Variants in CYB5D2 observed in about 807,000 individuals in gnomAD.
CYB5D2 encodes the protein neuferricin.
Under a neutral mutation model 22.8 loss-of-function variants are expected in CYB5D2, and 23 were observed. That is an observed-to-expected ratio of 1.01 (90% confidence interval 0.73 to 1.43). The LOEUF is 1.43. Among genes scored for constraint, CYB5D2 ranks in the 40% most tolerant of loss-of-function variants. The pLI is 0.00. For missense variants in CYB5D2, 373 were observed against 357.2 expected (o/e 1.04, Z -0.36); for synonymous variants, 170 against 152.2 (o/e 1.12, Z -0.86).
chr17:4,146,991 T>C (rs2058999527), intron 1 of CYB5D2, among the ~76,000 whole-genome samples: 1 of 152,226 alleles, frequency 6.6e-6, no homozygotes, highest in African/African-American at 2.4e-5. Flanking sequence ...AAATATTCTA[T>C]AGATACTATA....
chr17:4,156,592 G>T (rs1324214417), intron 3 of CYB5D2, among the ~76,000 whole-genome samples: 2 of 152,236 alleles, frequency 1.3e-5, no homozygotes, highest in African/African-American at 4.8e-5. Flanking sequence ...TGCCTCCTAA[G>T]AAGGGGCAGG....
chr17:4,143,588 A>C lies in CYB5D2; in HGVS notation c.-168A>C. 1.1e-6 allele frequency: 1 copy of C among 947,566 alleles called. No individual in the cohort carries two copies. The highest frequency in any genetic ancestry group is 1.5e-6 in the Non-Finnish European group (1 of 655,554). The allele number at this position is 947,566 out of a possible 1,614,324, so 58.7% of individuals were successfully genotyped here. A position where few individuals can be genotyped will look rare whatever the true frequency, so the allele number is the denominator to read the frequency against. On this transcript the variant is annotated 5_prime_UTR_variant, in exon 1 of 4. Coordinates refer to ENST00000301391, the MANE Select transcript of CYB5D2 (RefSeq NM_144611.4). ...AGACAGCGAGCTTTTCGCCAGTGCC[A>C]GGAATACAGATAAAACGAGAGAGAC...
chr17:4,155,250 G>A (rs964587850), intron 3 of CYB5D2, among the ~76,000 whole-genome samples: 2 of 152,110 alleles, frequency 1.3e-5, no homozygotes, highest in African/African-American at 4.8e-5. Context: ...CACAAATCAT[G>A]CCTATCTATA....
At chr17:4,153,763 G>A (rs2059082687) in intron 2 of CYB5D2, among the ~76,000 whole-genome samples, 1 of 152,192 alleles carries the variant, frequency 6.6e-6, no homozygotes, top group African/African-American at 2.4e-5. Context: ...AGCAAGGAAG[G>A]GAGTATGATG....
intron 1 of CYB5D2, among the ~76,000 whole-genome samples, chr17:4,144,335 C>G (rs1166624172): frequency 6.6e-6 from 1 of 152,116 alleles, no homozygotes; most frequent in Non-Finnish European, 1.5e-5. Flanking sequence ...TCTTAGGGCA[C>G]AGATAAACGA....
Position 4,156,941 on chromosome 17 carries a change from G to A in CYB5D2, c.654G>A (p.Val218=), listed in dbSNP as rs1567892588. Residue 218 remains valine (V), a synonymous_variant, in exon 4 of 4, where the codon GTG becomes GTA. Coordinates refer to ENST00000301391, the MANE Select transcript of CYB5D2 (RefSeq NM_144611.4). The part of the protein sequence containing the change: ...YKPGAKEPRC[V]CVRTTGPPSG... ...CAGGTGCTAAGGAGCCCCGCTGCGT[G>A]TGTGTGAGAACCACCGGCCCCCCTA... 6.2e-7 allele frequency: 1 copy of A among 1,612,852 alleles called. No homozygotes were observed. The highest frequency in any genetic ancestry group is 1.3e-5 in the African/African-American group (1 of 75,012).
intron 2 of CYB5D2, among the ~76,000 whole-genome samples, chr17:4,152,675 C>T (rs1375341429): frequency 6.6e-6 from 1 of 152,240 alleles, no homozygotes; most frequent in Non-Finnish European, 1.5e-5. Context: ...AAATTCTGTG[C>T]CAGGCCAACT....
chr17:4,150,500 G>A (rs949050035), intron 2 of CYB5D2, among the ~76,000 whole-genome samples: 1 of 152,176 alleles, frequency 6.6e-6, no homozygotes, highest in African/African-American at 2.4e-5. Context: ...CACTGTGTAG[G>A]TTACTGCACT....
intron 2 of CYB5D2, among the ~76,000 whole-genome samples, chr17:4,152,849 C>A (rs550251192): frequency 7.0e-4 from 107 of 152,348 alleles, no homozygotes; most frequent in Non-Finnish European, 1.3e-3. Context: ...ACGACTGCAG[C>A]TCACTGCAAC....
At chr17:4,145,263 A>G (rs531710526) in intron 1 of CYB5D2, among the ~76,000 whole-genome samples, 21 of 152,308 alleles carry the variant, frequency 1.4e-4, no homozygotes, top group African/African-American at 5.1e-4. Flanking sequence ...AGCACTTAAA[A>G]TACAAGCCAC....
chr17:4,144,059 C>T (rs1204078996), intron 1 of CYB5D2, 54 bp downstream of exon 1: 18 of 1,528,140 alleles, frequency 1.2e-5, no homozygotes, highest in African/African-American at 2.8e-5. Context: ...CCAGTAGCCA[C>T]CTGCGCGTCG....
Position 4,154,661 on chromosome 17 carries a change from C to T in CYB5D2, c.392-13C>T. 6.2e-7 allele frequency: 1 copy of T among 1,611,376 alleles called. No homozygotes were observed. Among genetic ancestry groups the T allele is most frequent in the Non-Finnish European group, 8.5e-7 (1 of 1,178,438 alleles). On this transcript the variant is annotated splice_polypyrimidine_tract_variant and intron_variant, in intron 2 of 3. Coordinates refer to ENST00000301391, the MANE Select transcript of CYB5D2 (RefSeq NM_144611.4). ...ATTCACTCTCACTCACATCTGCCTT[C>T]CTGTCATCACAGGGAGGGTGACAGG...
intron 1 of CYB5D2, among the ~76,000 whole-genome samples, chr17:4,147,421 A>G (rs967227602): frequency 6.6e-6 from 1 of 152,274 alleles, no homozygotes; most frequent in African/African-American, 2.4e-5. Flanking sequence ...AAAGACAGAC[A>G]TTAAATAGAT....
chr17:4,154,727 A>AC lies in CYB5D2; in HGVS notation c.448dup (p.Gln150ProfsTer60), dbSNP rs775165042. 1.2e-6 allele frequency: 2 copies of AC among 1,614,180 alleles called. No homozygotes were observed. The highest frequency in any genetic ancestry group is 1.7e-6 in the Non-Finnish European group (2 of 1,180,022). Reference sequence around the variant, plus strand: ...GGATGGGCTGCCCACCCCGGCACTGACCCAGGTAGAAGCTGCGATCACCAG... The same window carrying AC: ...GGATGGGCTGCCCACCCCGGCACTGACCCCAGGTAGAAGCTGCGATCACCAG... On this transcript the variant is annotated frameshift_variant, in exon 3 of 4. Coordinates refer to ENST00000301391, the MANE Select transcript of CYB5D2 (RefSeq NM_144611.4). LOFTEE classifies it high-confidence loss of function.
At chr17:4,144,252 C>T (rs1345434904) in intron 1 of CYB5D2, among the ~76,000 whole-genome samples, 2 of 152,170 alleles carry the variant, frequency 1.3e-5, no homozygotes, top group Admixed American at 6.5e-5. Flanking sequence ...AACATGTCTT[C>T]TGTCTCTTGT....
chr17:4,153,857 T>C lies in CYB5D2; in HGVS notation c.392-817T>C, dbSNP rs935396855. ...GGATTTGGGAAAGTCAGGGAGGGCG[T>C]TGGACTTGGGAGACGAGCTGAATCT... On this transcript the variant is annotated intron_variant, in intron 2 of 3. Transcript: ENST00000301391. 2.6e-5 allele frequency among the ~76,000 whole-genome samples: 4 copies of C among 152,230 alleles called. No individual in the cohort carries two copies. In the East Asian group the frequency reaches 7.7e-4, roughly 29 times the overall value.
rs113177704 is a variant in CYB5D2, at chr17:4,153,889, C to T, written c.392-785C>T. ...TGGGAGACGAGCTGAATCTCAGATG[C>T]GCTGAACATACGCGCCACTAGAATC... On this transcript the variant is annotated intron_variant, in intron 2 of 3. Coordinates refer to ENST00000301391, the MANE Select transcript of CYB5D2 (RefSeq NM_144611.4). Among the ~76,000 whole-genome samples the T allele has an allele frequency of 3.4e-3, 522 of 152,332 alleles. 3 individuals are homozygous for T. The highest frequency in any genetic ancestry group is 0.012 in the African/African-American group (499 of 41,572).
chr17:4,148,817 C>T (rs937447642), intron 1 of CYB5D2, among the ~76,000 whole-genome samples: 23 of 152,062 alleles, frequency 1.5e-4, no homozygotes, highest in Non-Finnish European at 2.8e-4. Flanking sequence ...AGCAAAATTC[C>T]GTCTCATGCA....
At chr17:4,147,169 T>A (rs7224699) in intron 1 of CYB5D2, among the ~76,000 whole-genome samples, 2 of 152,110 alleles carry the variant, frequency 1.3e-5, no homozygotes, top group Non-Finnish European at 2.9e-5. Flanking sequence ...TACTTGGGAG[T>A]TGGAGACAGA....
Sources: allele counts gnomAD v4.1 joint callset (sites outside exome capture counted in the v4.1 genomes callset), GRCh38; gene constraint gnomAD v4.1.1; transcripts MANE v1.5; gene names NCBI Gene and HGNC (gene_info 2026-07-23, HGNC 2026-07-21).